Variants in PRKD3 observed in about 807,000 individuals in gnomAD.
PRKD3 encodes serine/threonine-protein kinase D3.
Under a neutral mutation model 99.2 loss-of-function variants are expected in PRKD3, and 47 were observed. The observed-to-expected ratio is 0.47, with a 90% CI of 0.38 to 0.60. The LOEUF is 0.60. PRKD3 is among the 20% of genes least tolerant of loss of function. PRKD3 has a pLI of 0.00. For synonymous variants in PRKD3, 392 were observed against 355.4 expected (o/e 1.10, Z -1.16); for missense variants, 1,019 against 1,088.4 (o/e 0.94, Z 0.90).
rs1201868868 is a variant in PRKD3 at position 37,324,791 on chromosome 2, C to CCCTT, written c.-770_-767dup. On this transcript the variant is annotated 5_prime_UTR_variant, in exon 1 of 19. Transcript: ENST00000234179. ...GCAGGATCCCGCCCGCCTCCGGCGC[C>CCCTT]CCTTCCTCCCTCCCTCCCCGTCCCG... The CCCTT allele has an allele frequency of 6.6e-6, 1 of 150,884 alleles. No homozygotes were observed. The highest frequency in any genetic ancestry group is 6.6e-5 in the Admixed American group (1 of 15,178). 9.3% of individuals were successfully genotyped at this position (150,884 alleles called of 1,614,324 possible).
chr2:37,300,299 C>G (rs557902459), intron 2 of PRKD3, among the ~76,000 whole-genome samples: 1 of 151,926 alleles, frequency 6.6e-6, no homozygotes, highest in Admixed American at 6.6e-5. Flanking sequence ...CATGTTCTCA[C>G]TTGTATGTGA....
chr2:37,292,847 A>G (rs1032646104), intron 3 of PRKD3: 2 of 207,186 alleles, frequency 9.7e-6, no homozygotes, highest in Admixed American at 5.5e-5. Context: ...GAGACGAGGT[A>G]TGCTGCTCAG....
Position 37,256,586 on chromosome 2 carries a change from T to G in PRKD3, c.2413+76A>C, listed in dbSNP as rs536296020. ...GATAAGTTGCAAGAGACAGACTGATTTGGGATGAGAAAGATGTTTAGGCTT... is the reference window on the plus strand; with the variant it reads ...GATAAGTTGCAAGAGACAGACTGATGTGGGATGAGAAAGATGTTTAGGCTT... On this transcript the variant is annotated intron_variant, in intron 17 of 18. Coordinates refer to ENST00000234179, the MANE Select transcript of PRKD3 (RefSeq NM_005813.6). 20 of 1,411,204 alleles carry G rather than the reference T, an allele frequency of 1.4e-5. No homozygotes were observed. In the East Asian group the frequency reaches 1.5e-4, roughly 11 times the overall value. The allele number at this position is 1,411,204 out of a possible 1,614,324, so 87.4% of individuals were successfully genotyped here. A position where few individuals can be genotyped will look rare whatever the true frequency, so the allele number is the denominator to read the frequency against.
intron 9 of PRKD3, among the ~76,000 whole-genome samples, chr2:37,277,536 A>C (rs543488587): frequency 6.6e-6 from 1 of 152,324 alleles, no homozygotes; most frequent in East Asian, 1.9e-4. Flanking sequence ...CTTTGGTAAT[A>C]AGATGACTTT....
At chr2:37,319,847 A>T (rs1671804345) in intron 1 of PRKD3, among the ~76,000 whole-genome samples, 1 of 152,224 alleles carries the variant, frequency 6.6e-6, no homozygotes, top group African/African-American at 2.4e-5. Context: ...GTGGTTTTCA[A>T]ATACTTGAAT....
rs3770758 is a variant in PRKD3, at chr2:37,302,372, C to A, written c.289-9101G>T. On this transcript the variant is annotated intron_variant, in intron 2 of 18. Transcript: ENST00000234179. Reference sequence around the variant, plus strand: ...ATATCAGTTATTAAATTTCCACCCTCATGCACTCTGCTCACTTCATTCTTT... The same window carrying A: ...ATATCAGTTATTAAATTTCCACCCTAATGCACTCTGCTCACTTCATTCTTT... Among the ~76,000 whole-genome samples, 220 of 152,310 alleles carry A rather than the reference C, an allele frequency of 1.4e-3. 6 individuals are homozygous for A. The East Asian group carries it at 0.027, about 19-fold the overall frequency.
At chr2:37,308,450 A>T (rs1271578966) in intron 2 of PRKD3, among the ~76,000 whole-genome samples, 1 of 151,962 alleles carries the variant, frequency 6.6e-6, no homozygotes, top group Non-Finnish European at 1.5e-5. Flanking sequence ...TTTGAGACAG[A>T]GTTTTGCTCT....
chr2:37,283,617 A>C (rs911933355), intron 6 of PRKD3, among the ~76,000 whole-genome samples: 1 of 152,160 alleles, frequency 6.6e-6, no homozygotes, highest in African/African-American at 2.4e-5. Context: ...ATCTTGCACT[A>C]CCTCTTAAAC....
chr2:37,288,653 C>A (rs919728105), intron 5 of PRKD3, among the ~76,000 whole-genome samples: 7 of 152,108 alleles, frequency 4.6e-5, no homozygotes, highest in Admixed American at 6.5e-5. Context: ...GAAAAAAAAT[C>A]ACTGATTTAT....
chr2:37,316,385 G>A lies in PRKD3; in HGVS notation c.140C>T (p.Ala47Val). 6.2e-7 allele frequency: 1 copy of A among 1,614,208 alleles called. No homozygotes were observed. Among genetic ancestry groups the A allele is most frequent in the African/African-American group, 1.3e-5 (1 of 75,050 alleles). Residue 47 changes from alanine to valine, a missense_variant, in exon 2 of 19, where the codon GCA becomes GTA. By Grantham distance (64) the Ala-to-Val change is moderately conservative. Transcript: ENST00000234179. ...SARLSNGSFS[A>V]PSLTNSRGSV... ...GCCTCTGGAGTTGGTGAGTGATGGT[G>A]CACTGAAGCTTCCATTAGAGAGTCG...
intron 14 of PRKD3, 78 bp from the exon 15 acceptor site, chr2:37,260,462 T>G (rs1028618226): frequency 1.1e-5 from 14 of 1,298,454 alleles, no homozygotes; most frequent in African/African-American, 1.5e-5. Flanking sequence ...GCTATGATTG[T>G]CTGAAATGGC....
At chr2:37,306,731 C>T (rs1671185729) in intron 2 of PRKD3, among the ~76,000 whole-genome samples, 1 of 152,236 alleles carries the variant, frequency 6.6e-6, no homozygotes, top group South Asian at 2.1e-4. Context: ...ATCAATTGAG[C>T]CCAGGAGGTC....
intron 2 of PRKD3, among the ~76,000 whole-genome samples, chr2:37,309,845 T>A (rs1329846270): frequency 2.7e-4 from 14 of 52,768 alleles, no homozygotes; most frequent in Admixed American, 1.0e-3. Flanking sequence ...AGACTCCGTC[T>A]CAAAAAAAAA....
rs1166044857 is a variant in PRKD3 at position 37,279,887 on chromosome 2, A to T, written c.1031T>A (p.Ile344Asn). The T allele has an allele frequency of 6.2e-7, 1 of 1,613,016 alleles. No individual in the cohort carries two copies. The highest frequency in any genetic ancestry group is 1.3e-5 in the African/African-American group (1 of 74,842). The change falls in exon 8 of 19, where the codon ATT becomes AAT. Residue 344 changes from isoleucine to asparagine, a missense_variant. Transcript: ENST00000234179. Reference sequence around the variant, plus strand: ...ATCACTATTTATGTCATTATTGTCAATATCCATTGGTATATCTGTATCTGT... The same window carrying T: ...ATCACTATTTATGTCATTATTGTCATTATCCATTGGTATATCTGTATCTGT... ...LGTDTDIPMD[I>N]DNNDINSDSS...
At chr2:37,261,299 A>T (rs1338548828) in intron 14 of PRKD3, among the ~76,000 whole-genome samples, 1 of 150,076 alleles carries the variant, frequency 6.7e-6, no homozygotes, top group African/African-American at 2.5e-5. Context: ...CCAGCGTAGC[A>T]AACACGGTGA....
intron 2 of PRKD3, among the ~76,000 whole-genome samples, chr2:37,296,899 C>CAAAAAAAAAAAAAAAAAA (rs748730644): frequency 2.1e-5 from 1 of 48,130 alleles, no homozygotes; most frequent in Non-Finnish European, 4.3e-5. Flanking sequence ...GACTCTGTCT[C>CAAAAAAAAAAAAAAAAAA]AAAAAAAAAA....
At chr2:37,280,931 C>T (rs1180559774) in intron 7 of PRKD3, among the ~76,000 whole-genome samples, 1 of 151,982 alleles carries the variant, frequency 6.6e-6, no homozygotes, top group Non-Finnish European at 1.5e-5. Context: ...GATAAGTAAC[C>T]TAAATGGGCA....
intron 5 of PRKD3, among the ~76,000 whole-genome samples, chr2:37,288,861 C>G (rs1358566899): frequency 6.6e-6 from 1 of 152,080 alleles, no homozygotes; most frequent in Admixed American, 6.6e-5. Context: ...CAAGACCAGC[C>G]TGTCCAACAT....
intron 2 of PRKD3, among the ~76,000 whole-genome samples, chr2:37,305,963 G>C (rs1671146490): frequency 6.6e-6 from 1 of 152,114 alleles, no homozygotes; most frequent in South Asian, 2.1e-4. Flanking sequence ...AACTTGAAAA[G>C]GGCCTATCAT....
Sources: gnomAD v4.1 joint callset for allele counts (sites outside exome capture counted in the v4.1 genomes callset) on GRCh38, gnomAD v4.1.1 for gene constraint, MANE v1.5 for transcripts, NCBI Gene and HGNC (gene_info 2026-07-23, HGNC 2026-07-21) for gene names.